Variants in LYPLAL1 observed in about 807,000 individuals in gnomAD.
LYPLAL1 encodes the protein lysophospholipase-like protein 1.
In LYPLAL1, 23 loss-of-function variants were observed where a neutral mutation model predicts 19.7. That is an observed-to-expected ratio of 1.17 (90% CI 0.84 to 1.65). LYPLAL1 has a LOEUF of 1.65. LYPLAL1 is among the 40% of genes most tolerant of loss of function. LYPLAL1 has a pLI of 0.00. For synonymous variants in LYPLAL1, 119 were observed against 96.3 expected (o/e 1.24, Z -1.38); for missense variants, 355 against 279.4 (o/e 1.27, Z -1.93).
chr1:219,380,483 G>T, the LYPLAL1 span, among the ~76,000 whole-genome samples: 2 of 152,238 alleles, frequency 1.3e-5, no homozygotes, highest in Non-Finnish European at 2.9e-5. Flanking sequence ...TCATTGCTGG[G>T]AGCATCCCAA....
chr1:219,199,766 C>T (rs1657930987), intron 3 of LYPLAL1: 1 of 152,996 alleles, frequency 6.5e-6, no homozygotes, highest in African/African-American at 2.4e-5. Flanking sequence ...AGGCGCCTGC[C>T]ACCACGCCCG....
the LYPLAL1 span, among the ~76,000 whole-genome samples, chr1:219,333,972 A>G: frequency 6.6e-6 from 1 of 152,028 alleles, no homozygotes; most frequent in Non-Finnish European, 1.5e-5. Flanking sequence ...ACATAGGGCA[A>G]TGTCTCTCAA....
chr1:219,304,076 C>T, the LYPLAL1 span, among the ~76,000 whole-genome samples: 6 of 152,276 alleles, frequency 3.9e-5, no homozygotes, highest in South Asian at 1.2e-3. Context: ...TGTATGTCCC[C>T]TTTAGGCTCA....
chr1:219,218,311 T>A, the LYPLAL1 span, among the ~76,000 whole-genome samples: 1 of 151,956 alleles, frequency 6.6e-6, no homozygotes, highest in African/African-American at 2.4e-5. Flanking sequence ...ATGAAAAAAA[T>A]TTCTTGACAT....
the LYPLAL1 span, among the ~76,000 whole-genome samples, chr1:219,378,639 A>G: frequency 6.6e-6 from 1 of 152,094 alleles, no homozygotes; most frequent in African/African-American, 2.4e-5. Flanking sequence ...CGAGGAAGCT[A>G]CATACTCAGA....
chr1:219,427,112 C>T, the LYPLAL1 span, among the ~76,000 whole-genome samples: 1 of 152,100 alleles, frequency 6.6e-6, no homozygotes, highest in Non-Finnish European at 1.5e-5. Context: ...TTAAGATTTC[C>T]CATGTGGTCC....
At chr1:219,318,577 T>C in the LYPLAL1 span, among the ~76,000 whole-genome samples, 5 of 152,346 alleles carry the variant, frequency 3.3e-5, no homozygotes, top group African/African-American at 1.2e-4. Context: ...AATGAAGCTC[T>C]CTGATTAGAA....
chr1:219,429,424 G>A, the LYPLAL1 span, among the ~76,000 whole-genome samples: 2 of 152,206 alleles, frequency 1.3e-5, no homozygotes, highest in African/African-American at 2.4e-5. Context: ...TTGGGAGGCA[G>A]AGGCAGGAGG....
the LYPLAL1 span, among the ~76,000 whole-genome samples, chr1:219,363,252 T>C: frequency 1.3e-5 from 2 of 152,174 alleles, no homozygotes; most frequent in Admixed American, 1.3e-4. Flanking sequence ...TTCCTCTTCA[T>C]AATCAATTAT....
the LYPLAL1 span, among the ~76,000 whole-genome samples, chr1:219,314,947 TA>T: frequency 0.34 from 52,110 of 151,884 alleles, 9,811 homozygotes; most frequent in East Asian, 0.81. Context: ...AGCATCTGAA[TA>T]ATAGAATAAT....
At chr1:219,202,060 C>T (rs915605137) in intron 3 of LYPLAL1, among the ~76,000 whole-genome samples, 2 of 152,064 alleles carry the variant, frequency 1.3e-5, no homozygotes, top group Non-Finnish European at 2.9e-5. Context: ...TTACAAATGC[C>T]CTTAAGCTGA....
At chr1:219,443,720 C>A in the LYPLAL1 span, among the ~76,000 whole-genome samples, 2 of 151,414 alleles carry the variant, frequency 1.3e-5, no homozygotes, top group African/African-American at 4.8e-5. Flanking sequence ...CCAAACACTT[C>A]TAATATTGAA....
chr1:219,365,218 G>C, the LYPLAL1 span, among the ~76,000 whole-genome samples: 1 of 152,036 alleles, frequency 6.6e-6, no homozygotes. Context: ...TTTTTTTAAA[G>C]GATCAGTAAG....
At chr1:219,241,385 T>G in the LYPLAL1 span, among the ~76,000 whole-genome samples, 1 of 151,942 alleles carries the variant, frequency 6.6e-6, no homozygotes, top group East Asian at 1.9e-4. Context: ...AGTTTTAATT[T>G]TCCTAACATA....
chr1:219,270,024 C>G, the LYPLAL1 span, among the ~76,000 whole-genome samples: 1 of 152,182 alleles, frequency 6.6e-6, no homozygotes, highest in Non-Finnish European at 1.5e-5. Context: ...CCAAATTTCT[C>G]TAAATCTCAA....
At chr1:219,290,910 G>A in the LYPLAL1 span, among the ~76,000 whole-genome samples, 1 of 152,180 alleles carries the variant, frequency 6.6e-6, no homozygotes. Flanking sequence ...CCAGCCTGGT[G>A]TAGGAGGTAA....
the LYPLAL1 span, among the ~76,000 whole-genome samples, chr1:219,376,110 G>T: frequency 6.6e-6 from 1 of 152,084 alleles, no homozygotes; most frequent in Non-Finnish European, 1.5e-5. Context: ...GGTAAAATAT[G>T]TCATGTTATG....
chr1:219,427,721 G>T, the LYPLAL1 span, among the ~76,000 whole-genome samples: 4,165 of 152,234 alleles, frequency 0.027, 178 homozygotes, highest in African/African-American at 0.095. Flanking sequence ...AGCATTACAA[G>T]AGTCTCTTGT....
chr1:219,179,205 A>G lies in LYPLAL1; in HGVS notation c.150A>G (p.Thr50=). ...AGCAGGTTTTAAATCAAGATTTAAC[A>G]TTCCAACACATAAAAATTATTTATC... ...WIKQVLNQDL[T]FQHIKIIYPT... Residue 50 remains threonine, a synonymous_variant, in exon 2 of 5, where the codon ACA becomes ACG. Transcript: ENST00000366928. 6.2e-7 allele frequency: 1 copy of G among 1,612,708 alleles called. No homozygotes were observed. Among genetic ancestry groups the G allele is most frequent in the Non-Finnish European group, 8.5e-7 (1 of 1,179,344 alleles).
Sources: gnomAD v4.1 joint callset for allele counts (sites outside exome capture counted in the v4.1 genomes callset) on GRCh38, gnomAD v4.1.1 for gene constraint, MANE v1.5 for transcripts, NCBI Gene and HGNC (gene_info 2026-07-23, HGNC 2026-07-21) for gene names.